The following RALGAPB variants were observed in gnomAD, a reference collection of about 807,000 sequenced individuals.
The protein encoded by RALGAPB is ral GTPase-activating protein subunit beta.
Under a neutral mutation model 161.1 loss-of-function variants are expected in RALGAPB, and 25 were observed. The observed-to-expected ratio is 0.16, with a 90% CI of 0.11 to 0.22. The LOEUF (loss-of-function observed/expected upper bound fraction) is 0.22, where lower values mean the gene tolerates loss of function less well. Among genes scored for constraint, RALGAPB ranks in the 10% least tolerant of loss-of-function variants. The probability of loss-of-function intolerance (pLI) is 1.00; values close to 1 mark genes in which losing one functional copy is unlikely to be tolerated. For synonymous variants in RALGAPB, 629 were observed against 626.1 expected (o/e 1.00, Z -0.07); for missense variants, 1,391 against 1,815.2 (o/e 0.77, Z 4.25).
At chr20:38,547,851 A>G (rs927672209) in intron 19 of RALGAPB, 11 of 152,160 alleles carry the variant, frequency 7.2e-5, no homozygotes, top group Non-Finnish European at 1.5e-4. Flanking sequence ...TGATTCCTCC[A>G]GCCTCCTACT....
At position 38,546,584 on chromosome 20, in the gene RALGAPB, G is replaced by A. The variant is rs549768557; in HGVS notation, c.2902+154G>A. The A allele has an allele frequency of 1.1e-4, 102 of 956,310 alleles. No individual in the cohort carries two copies. The African/African-American group carries it at 1.5e-3, about 14-fold the overall frequency. 59.2% of individuals were successfully genotyped at this position (956,310 alleles called of 1,614,324 possible). ...GACAATAGCACCTGAAAAATAGGGG[G>A]GCAAAAAAATAGAATATACATATTA... is the stretch of plus-strand genomic sequence containing the variant. On this transcript the variant is annotated intron_variant, in intron 19 of 29. Transcript: ENST00000262879.
At chr20:38,514,758 T>A (rs529686536) in intron 6 of RALGAPB, among the ~76,000 whole-genome samples, 5 of 152,384 alleles carry the variant, frequency 3.3e-5, no homozygotes, top group Admixed American at 1.3e-4. Flanking sequence ...CCACCTGCCC[T>A]TTAGGCCCCA....
At chr20:38,530,879 C>T (rs1332798634) in intron 13 of RALGAPB, among the ~76,000 whole-genome samples, 1 of 141,820 alleles carries the variant, frequency 7.1e-6, no homozygotes, top group South Asian at 2.4e-4. Context: ...GCATGAACCA[C>T]TGTGCCTGGC....
rs1238243566 is a variant in RALGAPB at position 38,525,464 on chromosome 20, T to C, written c.1848T>C (p.Asn616=). 3 of 1,606,324 alleles carry C rather than the reference T, an allele frequency of 1.9e-6. No homozygotes were observed. The highest frequency in any genetic ancestry group is 1.6e-4 in the Middle Eastern group (1 of 6,068). ...CAGAATTGCGAAGATCCTCCATTAA[T>C]ATCCTGCTTTCTTTGTTGCCCCTCC... ...NPTELRRSSI[N]ILLSLLPLPH... is the part of the protein sequence containing the mutation. The change falls in exon 12 of 30, where the codon AAT becomes AAC. Residue 616 remains asparagine, a synonymous_variant. Transcript: ENST00000262879.
intron 21 of RALGAPB, among the ~76,000 whole-genome samples, chr20:38,551,439 T>C (rs1013992899): frequency 6.6e-6 from 1 of 152,172 alleles, no homozygotes; most frequent in Non-Finnish European, 1.5e-5. Context: ...GCTGCCTGGC[T>C]GTTCGTGGTA....
intron 15 of RALGAPB, among the ~76,000 whole-genome samples, chr20:38,533,306 T>G (rs1396084967): frequency 6.6e-6 from 1 of 152,226 alleles, no homozygotes; most frequent in Non-Finnish European, 1.5e-5. Flanking sequence ...TACCCCCTAC[T>G]GTAGCTCACT....
chr20:38,521,410 C>A, intron 9 of RALGAPB, 87 bp from the exon 10 acceptor site: 1 of 1,564,332 alleles, frequency 6.4e-7, no homozygotes, highest in South Asian at 1.2e-5. Flanking sequence ...TATTTAATGA[C>A]ACCAATATTT....
In RALGAPB at chr20:38,532,876, T is replaced by C; in HGVS notation, c.2245+17T>C. 1 of 1,606,784 alleles carries C rather than the reference T, an allele frequency of 6.2e-7. No individual in the cohort carries two copies. Among genetic ancestry groups the C allele is most frequent in the South Asian group, 1.1e-5 (1 of 90,442 alleles). ...GAGATTATGGTTAGTCGTGTTTCTT[T>C]TGAAATTCAAAGTTTAATAGAATGA... On this transcript the variant is annotated intron_variant, in intron 15 of 29. Coordinates refer to ENST00000262879, the MANE Select transcript of RALGAPB (RefSeq NM_020336.4).
At chr20:38,490,213 T>C (rs1024763512) in intron 2 of RALGAPB, among the ~76,000 whole-genome samples, 5 of 151,560 alleles carry the variant, frequency 3.3e-5, no homozygotes, top group African/African-American at 1.2e-4. Flanking sequence ...ATTTATTTAT[T>C]AATTATTATT....
intron 13 of RALGAPB, among the ~76,000 whole-genome samples, chr20:38,528,521 C>T (rs2086544131): frequency 6.6e-6 from 1 of 151,884 alleles, no homozygotes; most frequent in African/African-American, 2.4e-5. Flanking sequence ...CAGGCGTGTG[C>T]CACCACACCT....
At position 38,540,006 on chromosome 20, in the gene RALGAPB, CT is replaced by C. The variant is rs749640298; in HGVS notation, c.2562+49del. ...CATTAAGTAAAAACAAAAATGTATG[CT>C]AGCAAAATGCCTTTTGAAAGAGAAT... On this transcript the variant is annotated intron_variant, in intron 17 of 29. Transcript: ENST00000262879. 1.6e-5 allele frequency: 24 copies of C among 1,517,298 alleles called. 1 individual carries two copies. The highest frequency in any genetic ancestry group is 2.1e-5 in the Non-Finnish European group (23 of 1,109,786). 94.0% of individuals were successfully genotyped at this position (1,517,298 alleles called of 1,614,324 possible). A position where few individuals can be genotyped will look rare whatever the true frequency, so the allele number is the denominator to read the frequency against.
At position 38,530,408 on chromosome 20, in the gene RALGAPB, A is replaced by T. The variant is rs964029711; in HGVS notation, c.2051-759A>T. Among the ~76,000 whole-genome samples, 32 of 151,854 alleles carry T rather than the reference A, an allele frequency of 2.1e-4. 1 individual carries two copies. The highest frequency in any genetic ancestry group is 7.2e-4 in the African/African-American group (30 of 41,420). On this transcript the variant is annotated intron_variant, in intron 13 of 29. Coordinates refer to ENST00000262879, the MANE Select transcript of RALGAPB (RefSeq NM_020336.4). The stretch of plus-strand genomic sequence containing the variant: ...GTTTGTGTACGTAAGTTTTTTGATA[A>T]ATTTTAGCTTTTTATTTTTTATTTA...
chr20:38,549,549 A>ATATATATAT (rs869239679), intron 20 of RALGAPB, among the ~76,000 whole-genome samples: 1 of 131,110 alleles, frequency 7.6e-6, no homozygotes, highest in African/African-American at 2.9e-5. Flanking sequence ...AAAAAAAAAA[A>ATATATATAT]ATATATATAT....
intron 16 of RALGAPB, among the ~76,000 whole-genome samples, chr20:38,535,502 G>T (rs988187700): frequency 6.6e-6 from 1 of 151,472 alleles, no homozygotes; most frequent in African/African-American, 2.4e-5. Flanking sequence ...TATTGATTTT[G>T]TAAAAAATGA....
chr20:38,567,953 A>G (rs1309947190), intron 26 of RALGAPB, among the ~76,000 whole-genome samples: 1 of 152,206 alleles, frequency 6.6e-6, no homozygotes, highest in Non-Finnish European at 1.5e-5. Context: ...AGGTGGTGTA[A>G]TAGTCCCTGG....
chr20:38,474,349 G>A (rs1473245221), intron 1 of RALGAPB, among the ~76,000 whole-genome samples: 1 of 151,978 alleles, frequency 6.6e-6, no homozygotes, highest in Non-Finnish European at 1.5e-5. Flanking sequence ...GAATGCAGTG[G>A]CATGATCTTG....
intron 27 of RALGAPB, among the ~76,000 whole-genome samples, 169 bp downstream of exon 27, chr20:38,570,165 A>G (rs949554656): frequency 1.3e-5 from 2 of 152,206 alleles, no homozygotes; most frequent in Admixed American, 6.5e-5. Context: ...TTTAAGCCTT[A>G]GATTACTCCT....
chr20:38,481,055 C>T (rs1464490501), intron 1 of RALGAPB, among the ~76,000 whole-genome samples: 1 of 152,030 alleles, frequency 6.6e-6, no homozygotes, highest in Non-Finnish European at 1.5e-5. Context: ...CCTTTTTACC[C>T]TCAGTCTTAT....
Position 38,521,508 on chromosome 20 carries a change from C to G in RALGAPB, c.1429C>G (p.Gln477Glu). 6.2e-7 allele frequency: 1 copy of G among 1,614,128 alleles called. No individual in the cohort carries two copies. Among genetic ancestry groups the G allele is most frequent in the Non-Finnish European group, 8.5e-7 (1 of 1,179,990 alleles). ...RDSSMTAITT[Q>E]ASMEFRRKGS... ...TTTTCTCTCCCCAGCCATTACAACA[C>G]AAGCTAGCATGGAGTTTCGACGGAA... The change falls in exon 10 of 30, where the codon CAA (glutamine) becomes GAA (glutamate). Residue 477 changes from glutamine to glutamate, a missense_variant. Around this residue, in one of 3 missense-constraint regions of RALGAPB, gnomAD observed 946 missense variants for 1,257.2 expected, o/e 0.75. Coordinates refer to ENST00000262879, the MANE Select transcript of RALGAPB (RefSeq NM_020336.4).
Sources: allele counts gnomAD v4.1 joint callset (sites outside exome capture counted in the v4.1 genomes callset), GRCh38; gene constraint gnomAD v4.1.1; regional missense constraint gnomAD v4.1.1; transcripts MANE v1.5; gene names NCBI Gene and HGNC (gene_info 2026-07-23, HGNC 2026-07-21).